AP3S2: variants seen among roughly 807,000 people sequenced by gnomAD.
The protein encoded by AP3S2 is adaptor related protein complex 3 subunit sigma 2.
Under a neutral mutation model 23.4 loss-of-function variants are expected in AP3S2, and 22 were observed. That is an observed-to-expected ratio of 0.94 (90% confidence interval 0.67 to 1.34). AP3S2 has a LOEUF of 1.34. Ranked by LOEUF, AP3S2 falls within the 40% of genes most tolerant of loss-of-function variation. The pLI, the probability that AP3S2 is intolerant of heterozygous loss-of-function variation, is 0.00. For synonymous variants in AP3S2, 86 were observed against 87.1 expected (o/e 0.99, Z 0.07); for missense variants, 241 against 236.9 (o/e 1.02, Z -0.11).
chr15:89,878,865 GC>G (rs1896503860), intron 3 of AP3S2, among the ~76,000 whole-genome samples: 1 of 152,244 alleles, frequency 6.6e-6, no homozygotes. Flanking sequence ...TCCCGCCTCA[GC>G]CTCCTGAGCA....
chr15:89,871,438 T>TA, intron 4 of AP3S2, 37 bp downstream of exon 4: 1 of 1,586,918 alleles, frequency 6.3e-7, no homozygotes, highest in South Asian at 1.2e-5. Context: ...GGTTTTCTAG[T>TA]AACCCTAGTT....
chr15:89,889,180 GA>G lies in AP3S2; in HGVS notation c.70-41del, dbSNP rs1342453742. 2.5e-6 allele frequency: 4 copies of G among 1,610,584 alleles called. No homozygotes were observed. The African/African-American group carries it at 5.3e-5, about 22-fold the overall frequency. ...GATAAGTGAATCAGTGGGCAAGCCT[GA>G]AAAACTACATCCCATCCATGGGGAT... On this transcript the variant is annotated intron_variant, in intron 1 of 5. Coordinates refer to ENST00000336418, the MANE Select transcript of AP3S2 (RefSeq NM_005829.5).
rs927581588 is a variant in AP3S2 at position 89,835,638 on chromosome 15, G to C, written c.459C>G (p.Gly153=). The change falls in exon 6 of 6, where the codon GGC becomes GGG. Residue 153 remains glycine, a synonymous_variant. Transcript: ENST00000336418. ...CAGCCCGCGCAGGGGCTGCTGAAAGGCCACCCTAAGAAGAAATGAGAGGCG... is the reference window on the plus strand; with the variant it reads ...CAGCCCGCGCAGGGGCTGCTGAAAGCCCACCCTAAGAAGAAATGAGAGGCG... ...AQNRLEKSEG[G]LSAAPARAVS... 1.2e-6 allele frequency: 2 copies of C among 1,610,286 alleles called. No individual in the cohort carries two copies. The highest frequency in any genetic ancestry group is 1.7e-5 in the Admixed American group (1 of 59,600).
intron 4 of AP3S2, among the ~76,000 whole-genome samples, chr15:89,857,093 AACTACAAT>A (rs1259998686): frequency 6.6e-6 from 1 of 152,250 alleles, no homozygotes; most frequent in African/African-American, 2.4e-5. Flanking sequence ...CAGTTTGGAG[AACTACAAT>A]ACCGAAGTTT....
chr15:89,834,869 C>T lies in AP3S2; in HGVS notation c.*646G>A, dbSNP rs1329831731. On this transcript the variant is annotated 3_prime_UTR_variant, in exon 6 of 6. Transcript: ENST00000336418. ...GAGCCGAGATTGCACCACAGCACTC[C>T]AGCCTGGGTGACAGAGCAAGACTCC... 1.3e-5 allele frequency: 2 copies of T among 151,666 alleles called. No individual in the cohort carries two copies. Among genetic ancestry groups the T allele is most frequent in the African/African-American group, 2.4e-5 (1 of 41,162 alleles). 9.4% of individuals were successfully genotyped at this position (151,666 alleles called of 1,614,324 possible). A position where few individuals can be genotyped will look rare whatever the true frequency, so the allele number is the denominator to read the frequency against.
chr15:89,858,525 GAAAGAAAGAA>G (rs1160935032), intron 4 of AP3S2, among the ~76,000 whole-genome samples: 144 of 47,480 alleles, frequency 3.0e-3, no homozygotes, highest in African/African-American at 5.3e-3. Flanking sequence ...GAGAGAGAGA[GAAAGAAAGAA>G]AGAAAGAAAG....
intron 1 of AP3S2, chr15:89,893,667 A>T: frequency 1.8e-6 from 1 of 545,186 alleles, no homozygotes. Flanking sequence ...CAGGATCAAG[A>T]AAAGGGTCAG....
rs565186159 is a variant in AP3S2, at chr15:89,856,797, C to T, written c.345+14678G>A. Among the ~76,000 whole-genome samples, 67 of 150,122 alleles carry T rather than the reference C, an allele frequency of 4.5e-4. 1 individual carries two copies. In the South Asian group the frequency reaches 0.013, roughly 29 times the overall value. On this transcript the variant is annotated intron_variant, in intron 4 of 5. Coordinates refer to ENST00000336418, the MANE Select transcript of AP3S2 (RefSeq NM_005829.5). ...CTGAGGCATGAGAATTGCTTAAACC[C>T]GGGAGGCAGAGGTTACAGTGAGCCA...
intron 3 of AP3S2, among the ~76,000 whole-genome samples, chr15:89,872,019 C>A (rs1202349158): frequency 6.7e-6 from 1 of 149,952 alleles, no homozygotes; most frequent in Non-Finnish European, 1.5e-5. Flanking sequence ...GGCTGAGGCA[C>A]GAGAATAGCT....
At chr15:89,889,350 T>C (rs189776850) in intron 1 of AP3S2, 1 of 562,356 alleles carries the variant, frequency 1.8e-6, no homozygotes, top group East Asian at 3.1e-5. Context: ...TAAGATAGGG[T>C]ATATTTACCT....
At chr15:89,866,115 A>G (rs1160443749) in intron 4 of AP3S2, among the ~76,000 whole-genome samples, 4 of 151,942 alleles carry the variant, frequency 2.6e-5, no homozygotes, top group Non-Finnish European at 2.9e-5. Context: ...TACAAAAATT[A>G]GCCGGGCATG....
intron 3 of AP3S2, among the ~76,000 whole-genome samples, chr15:89,878,835 C>T (rs1383251106): frequency 1.3e-5 from 2 of 152,206 alleles, no homozygotes; most frequent in African/African-American, 4.8e-5. Flanking sequence ...CAACCTCCGC[C>T]TCCCAGGTTC....
chr15:89,856,440 C>A (rs1224880944), intron 4 of AP3S2, among the ~76,000 whole-genome samples: 1 of 152,076 alleles, frequency 6.6e-6, no homozygotes, highest in Non-Finnish European at 1.5e-5. Context: ...GTGGCTCACG[C>A]CTGTAATCCC....
chr15:89,853,739 TG>T (rs1467871573), intron 4 of AP3S2, among the ~76,000 whole-genome samples: 1 of 123,730 alleles, frequency 8.1e-6, no homozygotes, highest in Non-Finnish European at 1.7e-5. Context: ...GTCTGAGATG[TG>T]GGGAGCGCCT....
rs1258016689 is a variant in AP3S2 at position 89,831,771 on chromosome 15, TATCCTGACTTA to T, written c.*3733_*3743del. ...AACAGGGATTTGAGAGGGCTCAAGA[TATCCTGACTTA>T]ATCCTCAATGTGGCAGGCACAGGGC... On this transcript the variant is annotated 3_prime_UTR_variant, in exon 6 of 6. Transcript: ENST00000336418. 6.6e-6 allele frequency: 1 copy of T among 152,292 alleles called. No individual in the cohort carries two copies. Among genetic ancestry groups the T allele is most frequent in the African/African-American group, 2.4e-5 (1 of 41,472 alleles). The allele number at this position is 152,292 out of a possible 1,614,324, so 9.4% of individuals were successfully genotyped here.
intron 3 of AP3S2, among the ~76,000 whole-genome samples, chr15:89,872,734 G>A (rs1896350009): frequency 6.6e-6 from 1 of 152,212 alleles, no homozygotes; most frequent in Non-Finnish European, 1.5e-5. Context: ...CACTTGCCAT[G>A]AGGAACCAAC....
intron 3 of AP3S2, among the ~76,000 whole-genome samples, chr15:89,880,556 C>A (rs950251765): frequency 6.6e-6 from 1 of 151,808 alleles, no homozygotes; most frequent in Non-Finnish European, 1.5e-5. Context: ...CGCCTATAGT[C>A]CCACCTATTC....
At chr15:89,884,650 CTTTT>C (rs200193395) in intron 3 of AP3S2, among the ~76,000 whole-genome samples, 1 of 142,022 alleles carries the variant, frequency 7.0e-6, no homozygotes, top group Non-Finnish European at 1.5e-5. Context: ...ACATCTTCCC[CTTTT>C]TTTTTTTTTT....
intron 4 of AP3S2, among the ~76,000 whole-genome samples, chr15:89,869,567 T>TTAA (rs1896265369): frequency 8.1e-6 from 1 of 123,406 alleles, no homozygotes; most frequent in African/African-American, 3.0e-5. Flanking sequence ...GAATTATCAA[T>TTAA]AAAAAAAAAA....
Sources: allele counts gnomAD v4.1 joint callset (sites outside exome capture counted in the v4.1 genomes callset), GRCh38; gene constraint gnomAD v4.1.1; transcripts MANE v1.5; gene names NCBI Gene and HGNC (gene_info 2026-07-23, HGNC 2026-07-21).